Variants in NXF3 observed in about 807,000 individuals in gnomAD.
The protein encoded by NXF3 is nuclear RNA export factor 3.
NXF3 carries 34 observed loss-of-function variants against 48.4 expected under a neutral mutation model. The ratio of observed to expected loss-of-function variants is 0.70; its 90% confidence interval spans 0.53 to 0.93. NXF3 has a LOEUF of 0.93. Ranked by LOEUF, NXF3 falls within the 40% of genes least tolerant of loss-of-function variation. The pLI, the probability that NXF3 is intolerant of heterozygous loss-of-function variation, is 0.00. For missense variants in NXF3, 359 were observed against 406.1 expected (o/e 0.88, Z 1.00); for synonymous variants, 132 against 145.7 (o/e 0.91, Z 0.68).
intron 18 of NXF3, among the ~76,000 whole-genome samples, chrX:103,077,247 T>TA (rs1351142897): frequency 1.1e-5 from 1 of 94,811 alleles, no homozygotes; most frequent in African/African-American, 3.9e-5. Flanking sequence ...TCACTTCTTT[T>TA]TTTTTTTTTT....
At chrX:103,080,756 G>A in intron 9 of NXF3, 144 bp from the exon 10 acceptor site, 1 of 529,980 alleles carries the variant, frequency 1.9e-6, no homozygotes, top group Non-Finnish European at 3.2e-6. Context: ...GCCCTGGGCA[G>A]CATTGGGAGC....
chrX:103,087,545 T>A, intron 1 of NXF3: 3 of 977,152 alleles, frequency 3.1e-6, no homozygotes, highest in Non-Finnish European at 4.4e-6. Context: ...GTCAGAAGAC[T>A]GCTGGAGGCC....
At chrX:103,082,578 G>A (rs1341577280) in intron 8 of NXF3, among the ~76,000 whole-genome samples, 182 bp downstream of exon 8, 3 of 111,899 alleles carry the variant, frequency 2.7e-5, no homozygotes, top group African/African-American at 6.5e-5. Context: ...GGGGCCTTTG[G>A]CATAATGTCA....
chrX:103,085,263 T>G (rs1168380337), intron 1 of NXF3, among the ~76,000 whole-genome samples: 1 of 111,591 alleles, frequency 9.0e-6, no homozygotes. Flanking sequence ...GGGAGATGAG[T>G]GTTGGGGAAC....
Position 103,084,411 on chromosome X carries a change from T to G in NXF3, c.282A>C (p.Gln94His), listed in dbSNP as rs1395040537. Residue 94 changes from glutamine to histidine, a missense_variant, in exon 3 of 20, where the codon CAA becomes CAC. Physicochemically the swap from Gln to His is conservative, Grantham distance 24 (BLOSUM62 0). Coordinates refer to ENST00000395065, the MANE Select transcript of NXF3 (RefSeq NM_022052.2). ...DQTHVNMEREQKPPERRMEGN... is the reference protein window; with the variant it reads ...DQTHVNMEREHKPPERRMEGN... ...CCTCCATTCTTCTCTCTGGAGGTTT[T>G]TGCTCTCTCTCCATGTTAACGTGGG... The G allele has an allele frequency of 3.3e-6, 4 of 1,211,784 alleles. No homozygotes were observed.
At chrX:103,092,440 T>G (rs1379109783) in intron 1 of NXF3, among the ~76,000 whole-genome samples, 1 of 112,739 alleles carries the variant, frequency 8.9e-6, no homozygotes, top group East Asian at 2.8e-4. Flanking sequence ...AAGCAAAAAC[T>G]GATCTAAGTA....
intron 1 of NXF3, 71 bp from the exon 2 acceptor site, chrX:103,084,954 G>A: frequency 1.0e-6 from 1 of 975,015 alleles, no homozygotes; most frequent in South Asian, 2.1e-5. Flanking sequence ...AATGGATAAT[G>A]AAAAAATTCA....
chrX:103,088,073 A>G, intron 1 of NXF3: 2 of 905,847 alleles, frequency 2.2e-6, no homozygotes, highest in South Asian at 2.1e-5. Flanking sequence ...GTCCCTTTTC[A>G]ATATCCAAAG....
intron 1 of NXF3, chrX:103,089,050 A>G (rs1922217162): frequency 2.7e-5 from 30 of 1,126,861 alleles, no homozygotes; most frequent in Non-Finnish European, 3.7e-5. Context: ...TATTCAGAAC[A>G]TCAGGAGAAA....
In NXF3 at chrX:103,084,423, C is replaced by T. The variant is rs765728943; in HGVS notation, c.270G>A (p.Met90Ile). The T allele has an allele frequency of 5.0e-6, 6 of 1,211,512 alleles. No homozygotes were observed. Among genetic ancestry groups the T allele is most frequent in the African/African-American group, 1.7e-5 (1 of 57,777 alleles). Residue 90 changes from methionine (M) to isoleucine (I), a missense_variant, in exon 3 of 20, where the codon ATG becomes ATA. By Grantham distance (10) the Met-to-Ile change is conservative. Transcript: ENST00000395065. ...FRKQDQTHVN[M>I]EREQKPPERR... ...TCTCTGGAGGTTTTTGCTCTCTCTCCATGTTAACGTGGGTTTGGTCTTGTT... is the reference window on the plus strand; with the variant it reads ...TCTCTGGAGGTTTTTGCTCTCTCTCTATGTTAACGTGGGTTTGGTCTTGTT...
rs1374471915 is a variant in NXF3, at chrX:103,079,437, A to G, written c.1257T>C (p.Asp419=). The change falls in exon 15 of 20, where the codon GAT becomes GAC. Residue 419 remains aspartate, a synonymous_variant. Transcript: ENST00000395065. The stretch of plus-strand genomic sequence containing the variant: ...GCAACGCACTGAGGGAGTCCACAAT[A>G]TCAAGTTTTGTGTGCTTCAGCAGCT... ...RGELLKHTKL[D]IVDSLSALPK... is the part of the protein sequence containing the mutation. 1.7e-6 allele frequency: 2 copies of G among 1,209,233 alleles called. No individual in the cohort carries two copies. Among genetic ancestry groups the G allele is most frequent in the East Asian group, 3.0e-5 (1 of 33,718 alleles).
rs781480933 is a variant in NXF3 at position 103,084,384 on chromosome X, C to G, written c.309G>C (p.Gly103=). 9.8e-5 allele frequency: 118 copies of G among 1,209,845 alleles called. No individual in the cohort carries two copies. Among genetic ancestry groups the G allele is most frequent in the Non-Finnish European group, 1.3e-4 (118 of 895,254 alleles). The part of the protein sequence containing the change: ...EQKPPERRME[G]NMPDGTLGSW... The stretch of plus-strand genomic sequence containing the variant: ...TCCCTAAGGTCCCATCCGGCATGTT[C>G]CCCTCCATTCTTCTCTCTGGAGGTT... Residue 103 remains glycine (G), a synonymous_variant, in exon 3 of 20, where the codon GGG becomes GGC. Coordinates refer to ENST00000395065, the MANE Select transcript of NXF3 (RefSeq NM_022052.2).
At chrX:103,079,090 TG>T (rs1250120202) in intron 16 of NXF3, 130 bp downstream of exon 16, 1 of 697,817 alleles carries the variant, frequency 1.4e-6, no homozygotes, top group Non-Finnish European at 2.3e-6. Context: ...AGAGTTGGGG[TG>T]GGAAAACACG....
At chrX:103,086,382 G>A (rs1014800890) in intron 1 of NXF3, among the ~76,000 whole-genome samples, 1 of 111,299 alleles carries the variant, frequency 9.0e-6, no homozygotes, top group African/African-American at 3.3e-5. Flanking sequence ...CTGCACTCCA[G>A]TGCAGAACTA....
At chrX:103,078,719 A>T (rs1444629473) in intron 16 of NXF3, 87 bp from the exon 17 acceptor site, 1 of 1,178,299 alleles carries the variant, frequency 8.5e-7, no homozygotes, top group Non-Finnish European at 1.2e-6. Flanking sequence ...CTTGCTTGAC[A>T]CTCACACAGA....
intron 1 of NXF3, 108 bp from the exon 2 acceptor site, chrX:103,084,991 A>T (rs1337272270): frequency 1.3e-6 from 1 of 762,422 alleles, no homozygotes. Flanking sequence ...TAGAGTCAGG[A>T]TCTGGCTCTA....
intron 9 of NXF3, 86 bp from the exon 10 acceptor site, chrX:103,080,698 GAC>G: frequency 2.2e-6 from 2 of 917,552 alleles, no homozygotes; most frequent in African/African-American, 1.9e-5. Context: ...CTACGTCAGA[GAC>G]ACAGTGCAGT....
In NXF3 at chrX:103,079,394, G is replaced by A. The variant is rs151159415; in HGVS notation, c.1300C>T (p.Leu434Phe). 33 of 1,209,677 alleles carry A rather than the reference G, an allele frequency of 2.7e-5. No individual in the cohort carries two copies. The South Asian group carries it at 5.1e-4, about 19-fold the overall frequency. Residue 434 changes from leucine (L) to phenylalanine (F), a missense_variant, in exon 15 of 20, where the codon CTC becomes TTC. Coordinates refer to ENST00000395065, the MANE Select transcript of NXF3 (RefSeq NM_022052.2). ...LSALPKTQHD[L>F]SSFLVDMWYQ... ...CACATGTCCACCAGGAAGGAGCTGAGGTCATGCTGAGTTTTAGGCAACGCA... is the reference window on the plus strand; with the variant it reads ...CACATGTCCACCAGGAAGGAGCTGAAGTCATGCTGAGTTTTAGGCAACGCA...
At chrX:103,087,095 A>T in intron 1 of NXF3, 1 of 381,698 alleles carries the variant, frequency 2.6e-6, no homozygotes, top group Non-Finnish European at 4.5e-6. Flanking sequence ...ACATCGTTTT[A>T]ATGGTACTAG....
Sources: allele counts gnomAD v4.1 joint callset (sites outside exome capture counted in the v4.1 genomes callset), GRCh38; gene constraint gnomAD v4.1.1; transcripts MANE v1.5; gene names NCBI Gene and HGNC (gene_info 2026-07-23, HGNC 2026-07-21).